ANKS1A: variants seen among roughly 807,000 people sequenced by gnomAD.
The protein encoded by ANKS1A is ankyrin repeat and SAM domain-containing protein 1A.
In ANKS1A, 55 loss-of-function variants were observed where a neutral mutation model predicts 120.3. The observed-to-expected ratio is 0.46, with a 90% CI of 0.37 to 0.57. The LOEUF (loss-of-function observed/expected upper bound fraction) is 0.57, where lower values mean the gene tolerates loss of function less well. Among genes scored for constraint, ANKS1A ranks in the 20% least tolerant of loss-of-function variants. ANKS1A has a pLI of 0.00. For missense variants in ANKS1A, 1,123 were observed against 1,480.3 expected, an observed-to-expected ratio of 0.76 and a Z score of 3.96; for synonymous variants, 590 against 604.7, an observed-to-expected ratio of 0.98 and a Z score of 0.36.
intron 1 of ANKS1A, among the ~76,000 whole-genome samples, chr6:34,904,436 T>TA (rs573628079): frequency 8.0e-5 from 12 of 149,860 alleles, no homozygotes; most frequent in South Asian, 4.2e-4. Context: ...TTCCTATAAT[T>TA]AAAAAAAAAA....
At chr6:35,091,978 C>T (rs6923894), downstream of ANKS1A, among the ~76,000 whole-genome samples, 5,246 of 152,300 alleles carry the variant, frequency 0.034, 160 homozygotes, top group African/African-American at 0.089. Flanking sequence ...TGGGAAAGCA[C>T]AAGCAAGCGG....
intron 10 of ANKS1A, among the ~76,000 whole-genome samples, chr6:35,008,349 C>T (rs1773568703): frequency 6.6e-6 from 1 of 152,098 alleles, no homozygotes; most frequent in Non-Finnish European, 1.5e-5. Flanking sequence ...CCCTGAATAG[C>T]TAGACTAAAG....
In ANKS1A at chr6:35,088,928, T is replaced by C; in HGVS notation, c.*319T>C. 2 of 1,330,220 alleles carry C rather than the reference T, an allele frequency of 1.5e-6. No homozygotes were observed. Among genetic ancestry groups the C allele is most frequent in the Non-Finnish European group, 1.9e-6 (2 of 1,034,158 alleles). The allele number at this position is 1,330,220 out of a possible 1,614,324, so 82.4% of individuals were successfully genotyped here. On this transcript the variant is annotated 3_prime_UTR_variant, in exon 24 of 24. Coordinates refer to ENST00000360359, the MANE Select transcript of ANKS1A (RefSeq NM_015245.3). Reference sequence around the variant, plus strand: ...ATAAAATGAACTTTTAACACTTGGCTCAAACCTCTAGGTCATACTGCCAAT... The same window carrying C: ...ATAAAATGAACTTTTAACACTTGGCCCAAACCTCTAGGTCATACTGCCAAT...
At chr6:34,913,408 C>G (rs1767995085) in intron 1 of ANKS1A, among the ~76,000 whole-genome samples, 1 of 152,120 alleles carries the variant, frequency 6.6e-6, no homozygotes, top group Non-Finnish European at 1.5e-5. Flanking sequence ...CCCTCTGCAG[C>G]CTTGACTTCC....
At position 35,084,492 on chromosome 6, in the gene ANKS1A, CT is replaced by C. The variant is rs11458954; in HGVS notation, c.3132+251del. On this transcript the variant is annotated intron_variant, in intron 21 of 23. Transcript: ENST00000360359. The surrounding 1 kb of genome is among the most constrained non-coding windows in gnomAD (Gnocchi z 4.8). ...GGGCACTAGGGACAGGAGGTTCCAG[CT>C]TTTTTTTTTTTTTTTTAAGAGATGG... Among the ~76,000 whole-genome samples the C allele has an allele frequency of 1.0e-3, 141 of 138,476 alleles. 2 individuals carry two copies. The highest frequency in any genetic ancestry group is 9.1e-4 in the African/African-American group (34 of 37,366). 90.8% of individuals were successfully genotyped at this position (138,476 alleles called of 152,430 possible).
intron 10 of ANKS1A, among the ~76,000 whole-genome samples, chr6:34,996,742 A>G (rs141502250): frequency 0.059 from 8,941 of 152,298 alleles, 525 homozygotes; most frequent in East Asian, 0.34. Context: ...AAGTGCTGGG[A>G]TAACAGGCGT....
chr6:35,096,277 A>C (rs761870038), downstream of ANKS1A, among the ~76,000 whole-genome samples: 3 of 152,226 alleles, frequency 2.0e-5, no homozygotes, highest in Non-Finnish European at 4.4e-5. Context: ...TTAATAAAGG[A>C]CACTACATCC....
chr6:34,972,842 C>T (rs369908638), intron 3 of ANKS1A, among the ~76,000 whole-genome samples: 1 of 151,972 alleles, frequency 6.6e-6, no homozygotes, highest in African/African-American at 2.4e-5. Flanking sequence ...TTTTTAAAAC[C>T]CATACTAATT....
chr6:35,083,013 G>T, intron 18 of ANKS1A, 142 bp from the exon 19 acceptor site: 1 of 1,252,822 alleles, frequency 8.0e-7, no homozygotes, highest in Non-Finnish European at 1.1e-6. Flanking sequence ...TTGAATGGAG[G>T]GTCTCTCCAG....
intron 1 of ANKS1A, among the ~76,000 whole-genome samples, chr6:34,903,864 G>A (rs1266465933): frequency 2.0e-5 from 3 of 151,788 alleles, no homozygotes; most frequent in Non-Finnish European, 4.4e-5. Context: ...TTGCTTTGTT[G>A]CCCAGGCTGG....
chr6:35,052,219 G>A (rs1483703669), intron 11 of ANKS1A, among the ~76,000 whole-genome samples: 3 of 152,132 alleles, frequency 2.0e-5, no homozygotes, highest in Admixed American at 1.3e-4. Flanking sequence ...AGGCCAAAGT[G>A]CACAGATCAC....
chr6:34,990,063 C>A (rs1772424927), intron 9 of ANKS1A, among the ~76,000 whole-genome samples: 1 of 152,162 alleles, frequency 6.6e-6, no homozygotes, highest in Admixed American at 6.5e-5. Flanking sequence ...ATGCCCTATT[C>A]TCTAATTTAA....
intron 1 of ANKS1A, among the ~76,000 whole-genome samples, chr6:34,917,428 C>A (rs1035355908): frequency 6.6e-6 from 1 of 152,224 alleles, no homozygotes. Flanking sequence ...TAAGTCAAAC[C>A]AAGCTCCGCT....
chr6:35,047,528 T>C (rs1488240798), intron 11 of ANKS1A, among the ~76,000 whole-genome samples: 1 of 152,052 alleles, frequency 6.6e-6, no homozygotes, highest in Non-Finnish European at 1.5e-5. Flanking sequence ...CTTTCTGAGG[T>C]TTGTGTACTT....
At chr6:35,039,076 A>ATG (rs879560591) in intron 11 of ANKS1A, among the ~76,000 whole-genome samples, 1,477 of 63,920 alleles carry the variant, frequency 0.023, 23 homozygotes, top group African/African-American at 0.053. Context: ...TTTTGCATGT[A>ATG]TGTGTGTGTG....
At chr6:35,049,770 G>A (rs1251361796) in intron 11 of ANKS1A, among the ~76,000 whole-genome samples, 12 of 152,140 alleles carry the variant, frequency 7.9e-5, no homozygotes, top group African/African-American at 1.9e-4. Context: ...GGGCCCCAAC[G>A]AAAGACATAT....
At chr6:35,012,970 A>C (rs978077803) in intron 10 of ANKS1A, among the ~76,000 whole-genome samples, 1 of 152,080 alleles carries the variant, frequency 6.6e-6, no homozygotes, top group African/African-American at 2.4e-5. Flanking sequence ...CTGCAACTTC[A>C]CTAGTCCCTG....
chr6:34,985,268 G>T lies in ANKS1A; in HGVS notation c.1199G>T (p.Gly400Val). The part of the protein sequence containing the change: ...EAEAAGVKPA[G>V]VRPRERPPPP... ...GAGGCAGCAGGAGTGAAACCTGCTG[G>T]AGTGAGGCCTGTATGTGACCCGGGG... The change falls in exon 8 of 24, where the codon GGA (glycine) becomes GTA (valine). Residue 400 changes from glycine to valine, a missense_variant. Transcript: ENST00000360359. The T allele has an allele frequency of 6.2e-7, 1 of 1,613,704 alleles. No individual in the cohort carries two copies. Among genetic ancestry groups the T allele is most frequent in the Admixed American group, 1.7e-5 (1 of 60,006 alleles).
intron 2 of ANKS1A, among the ~76,000 whole-genome samples, chr6:34,968,342 G>T (rs1770999348): frequency 6.6e-6 from 1 of 152,188 alleles, no homozygotes; most frequent in African/African-American, 2.4e-5. Context: ...GGTTTGCCAG[G>T]ATGTTGAAGA....
Sources: allele counts gnomAD v4.1 joint callset (sites outside exome capture counted in the v4.1 genomes callset), GRCh38; gene constraint gnomAD v4.1.1; non-coding constraint Gnocchi (gnomAD v3.1); transcripts MANE v1.5; gene names NCBI Gene and HGNC (gene_info 2026-07-23, HGNC 2026-07-21).